Variants in SLX4IP observed in about 807,000 individuals in gnomAD.
The protein encoded by SLX4IP is protein SLX4IP.
A neutral mutation model predicts 32.9 loss-of-function variants in SLX4IP; 34 were observed. That is an observed-to-expected ratio of 1.03 (90% CI 0.79 to 1.38). The LOEUF (loss-of-function observed/expected upper bound fraction) is 1.38. SLX4IP is among the 40% of genes most tolerant of loss of function. The pLI, the probability that SLX4IP is intolerant of heterozygous loss-of-function variation, is 0.00. For synonymous variants in SLX4IP, 172 were observed against 171.7 expected (o/e 1.00, Z -0.01); for missense variants, 444 against 479.0 (o/e 0.93, Z 0.68).
chr20:10,469,598 C>T (rs916734336), intron 2 of SLX4IP, among the ~76,000 whole-genome samples: 11 of 152,000 alleles, frequency 7.2e-5, no homozygotes. Context: ...ATTACTTATT[C>T]TAGTGTAAAA....
intron 2 of SLX4IP, among the ~76,000 whole-genome samples, chr20:10,545,819 C>T (rs2066157371): frequency 6.6e-6 from 1 of 152,186 alleles, no homozygotes; most frequent in Non-Finnish European, 1.5e-5. Context: ...AAATCTCCCT[C>T]CAAAACTGGC....
At chr20:10,481,028 CT>C (rs1238013528) in intron 2 of SLX4IP, among the ~76,000 whole-genome samples, 1 of 151,344 alleles carries the variant, frequency 6.6e-6, no homozygotes, top group Admixed American at 6.6e-5. Context: ...TGTATTTGTC[CT>C]TGAAGTATAA....
At chr20:10,494,372 TATC>T (rs1389456652) in intron 2 of SLX4IP, among the ~76,000 whole-genome samples, 2 of 150,156 alleles carry the variant, frequency 1.3e-5, no homozygotes, top group Admixed American at 6.7e-5. Flanking sequence ...ACTGTTATAA[TATC>T]ATTATTATAT....
At chr20:10,523,430 C>G (rs902287035) in intron 2 of SLX4IP, among the ~76,000 whole-genome samples, 1 of 152,196 alleles carries the variant, frequency 6.6e-6, no homozygotes, top group African/African-American at 2.4e-5. Context: ...CAATTGACCT[C>G]TGTATATAGA....
At chr20:10,600,891 G>T (rs918019277) in intron 5 of SLX4IP, among the ~76,000 whole-genome samples, 2 of 152,208 alleles carry the variant, frequency 1.3e-5, no homozygotes, top group East Asian at 3.9e-4. Flanking sequence ...CTCCCCACCC[G>T]CCTGGAACAT....
At chr20:10,602,174 T>C (rs879776696) in intron 6 of SLX4IP, among the ~76,000 whole-genome samples, 14 of 152,358 alleles carry the variant, frequency 9.2e-5, no homozygotes, top group Middle Eastern at 3.4e-3. Context: ...GAGGCTTTCA[T>C]TGGGGTCAGT....
chr20:10,443,620 T>A (rs2122319003), intron 1 of SLX4IP, among the ~76,000 whole-genome samples: 1 of 152,262 alleles, frequency 6.6e-6, no homozygotes, highest in Non-Finnish European at 1.5e-5. Flanking sequence ...GTTGGTTATG[T>A]GGTGGCATTA....
chr20:10,524,018 G>T (rs563791560), intron 2 of SLX4IP, among the ~76,000 whole-genome samples: 1 of 152,222 alleles, frequency 6.6e-6, no homozygotes. Flanking sequence ...CTGGCTGGTC[G>T]AACGTAAGAG....
At chr20:10,450,750 G>A (rs1046005290) in intron 1 of SLX4IP, among the ~76,000 whole-genome samples, 1 of 152,184 alleles carries the variant, frequency 6.6e-6, no homozygotes. Flanking sequence ...CGAAGGCCTA[G>A]TGGTTTTTTT....
intron 2 of SLX4IP, among the ~76,000 whole-genome samples, chr20:10,500,199 A>G (rs2065705359): frequency 7.0e-6 from 1 of 143,298 alleles, no homozygotes; most frequent in South Asian, 2.2e-4. Context: ...CAATGGTGCA[A>G]TCTCAGCTCA....
intron 2 of SLX4IP, among the ~76,000 whole-genome samples, chr20:10,514,548 G>A (rs1306925736): frequency 6.6e-6 from 1 of 152,196 alleles, no homozygotes; most frequent in African/African-American, 2.4e-5. Flanking sequence ...ATCACCCTCT[G>A]TACAATGCAT....
rs1195471199 is a variant in SLX4IP, at chr20:10,512,707, GTA to G, written c.28-43516_28-43515del. 3.4e-5 allele frequency among the ~76,000 whole-genome samples: 4 copies of G among 116,668 alleles called. No individual in the cohort carries two copies. In the East Asian group the frequency reaches 7.0e-4, roughly 20 times the overall value. 76.5% of individuals were successfully genotyped at this position (116,668 alleles called of 152,430 possible). The stretch of plus-strand genomic sequence containing the variant: ...ATATTTTATATATAGTATATATAGT[GTA>G]TATATATTTTATATATAGTATATGT... On this transcript the variant is annotated intron_variant, in intron 2 of 7. Coordinates refer to ENST00000334534, the MANE Select transcript of SLX4IP (RefSeq NM_001009608.3).
At chr20:10,533,646 G>A (rs1029078767) in intron 2 of SLX4IP, among the ~76,000 whole-genome samples, 2 of 129,956 alleles carry the variant, frequency 1.5e-5, no homozygotes, top group Non-Finnish European at 3.1e-5. Context: ...TTGAGGCAGG[G>A]TCTGGCTCTG....
At chr20:10,461,029 T>C (rs1401270083) in intron 2 of SLX4IP, among the ~76,000 whole-genome samples, 2 of 152,252 alleles carry the variant, frequency 1.3e-5, no homozygotes, top group East Asian at 3.8e-4. Flanking sequence ...TTTCTCTGCC[T>C]CTCCTAATTC....
intron 4 of SLX4IP, among the ~76,000 whole-genome samples, chr20:10,596,196 T>G (rs935738538): frequency 6.6e-6 from 1 of 152,146 alleles, no homozygotes; most frequent in Non-Finnish European, 1.5e-5. Context: ...GTAGCTTTCA[T>G]GGTCAACTTC....
chr20:10,451,735 G>A (rs1568686705), intron 1 of SLX4IP, among the ~76,000 whole-genome samples: 2 of 152,224 alleles, frequency 1.3e-5, no homozygotes, highest in East Asian at 1.9e-4. Flanking sequence ...TTGGGAGGCC[G>A]AGGCGGGTGA....
intron 1 of SLX4IP, among the ~76,000 whole-genome samples, chr20:10,447,375 A>G (rs951811265): frequency 4.6e-5 from 7 of 151,930 alleles, no homozygotes; most frequent in Non-Finnish European, 8.8e-5. Context: ...GATCTTTTTT[A>G]GTCTTTCTCA....
chr20:10,541,900 G>A (rs967726677), intron 2 of SLX4IP, among the ~76,000 whole-genome samples: 3 of 152,210 alleles, frequency 2.0e-5, no homozygotes, highest in African/African-American at 7.2e-5. Flanking sequence ...AAAGGGGGCA[G>A]CCAGTGTTTG....
At chr20:10,612,514 A>T (rs2066978669) in intron 6 of SLX4IP, among the ~76,000 whole-genome samples, 1 of 152,136 alleles carries the variant, frequency 6.6e-6, no homozygotes, top group Non-Finnish European at 1.5e-5. Context: ...TTCTACTGTG[A>T]ATTGCCTACT....
Sources: allele counts gnomAD v4.1 joint callset (sites outside exome capture counted in the v4.1 genomes callset), GRCh38; gene constraint gnomAD v4.1.1; transcripts MANE v1.5; gene names NCBI Gene and HGNC (gene_info 2026-07-23, HGNC 2026-07-21).